GSTA2: variants seen among roughly 807,000 people sequenced by gnomAD.
GSTA2 encodes the protein glutathione S-transferase alpha 2.
In GSTA2, 27 loss-of-function variants were observed where a neutral mutation model predicts 22.4. The observed-to-expected ratio is 1.21, with a 90% CI of 0.89 to 1.67. The LOEUF (loss-of-function observed/expected upper bound fraction) is 1.67, where lower values mean the gene tolerates loss of function less well. Ranked by LOEUF, GSTA2 falls within the 40% of genes most tolerant of loss-of-function variation. The pLI, the probability that GSTA2 is intolerant of heterozygous loss-of-function variation, is 0.00. For synonymous variants in GSTA2, 121 were observed against 86.8 expected (o/e 1.39, Z -2.19); for missense variants, 302 against 260.2 (o/e 1.16, Z -1.11).
At chr6:52,762,900 T>G (rs2608632) in intron 1 of GSTA2, among the ~76,000 whole-genome samples, 119,195 of 151,548 alleles carry the variant, frequency 0.79, 47,949 homozygotes, top group East Asian at 1. Context: ...CTATTCTCTA[T>G]ATTGGCCATG....
In GSTA2 at chr6:52,752,845, T is replaced by C; in HGVS notation, c.414+9A>G. Reference sequence around the variant, plus strand: ...TCAGTTCCCCAAAACACTGAACAGCTTCACTTACTTTTTCAAAGGCAGGGA... The same window carrying C: ...TCAGTTCCCCAAAACACTGAACAGCCTCACTTACTTTTTCAAAGGCAGGGA... On this transcript the variant is annotated intron_variant, in intron 5 of 6. Transcript: ENST00000493422. 1 of 1,613,554 alleles carries C rather than the reference T, an allele frequency of 6.2e-7. No individual in the cohort carries two copies. Among genetic ancestry groups the C allele is most frequent in the Admixed American group, 1.7e-5 (1 of 60,008 alleles).
chr6:52,759,571 T>TTG (rs1359409627), intron 1 of GSTA2, among the ~76,000 whole-genome samples: 509 of 48,778 alleles, frequency 0.01, 89 homozygotes, highest in African/African-American at 0.047. Context: ...TTGTTTTTTT[T>TTG]TTTTTTTTTT....
rs1173016072 is a variant in GSTA2 at position 52,754,830 on chromosome 6, C to T, written c.272+113G>A. ...AATACTGGACCTCAGCGTGCATGCC[C>T]AAGGCCCAGCCTGCTGCTGGTCTTG... On this transcript the variant is annotated intron_variant, in intron 4 of 6. Coordinates refer to ENST00000493422, the MANE Select transcript of GSTA2 (RefSeq NM_000846.5). 1.0e-4 allele frequency: 150 copies of T among 1,435,476 alleles called. No homozygotes were observed. In the Admixed American group the frequency reaches 2.7e-3, roughly 26 times the overall value. 88.9% of individuals were successfully genotyped at this position (1,435,476 alleles called of 1,614,324 possible). A position where few individuals can be genotyped will look rare whatever the true frequency, so the allele number is the denominator to read the frequency against.
intron 1 of GSTA2, among the ~76,000 whole-genome samples, chr6:52,760,885 A>G (rs1018235765): frequency 2.0e-5 from 3 of 152,144 alleles, no homozygotes; most frequent in African/African-American, 4.8e-5. Context: ...TAATTACTTT[A>G]CATCAATAAT....
At chr6:52,760,342 T>C (rs1372731277) in intron 1 of GSTA2, among the ~76,000 whole-genome samples, 2 of 152,074 alleles carry the variant, frequency 1.3e-5, no homozygotes, top group Non-Finnish European at 2.9e-5. Context: ...CAATGTGAGG[T>C]TTCCAAGGGT....
chr6:52,756,607 C>T lies in GSTA2; in HGVS notation c.88-298G>A, dbSNP rs375026539. ...ACATCACTGGAGAAAAGGCACTGAG[C>T]AGTTCTTCTAGTTATGGTGTTGTCA... On this transcript the variant is annotated intron_variant, in intron 2 of 6. Transcript: ENST00000493422. Among the ~76,000 whole-genome samples, 10 of 152,336 alleles carry T rather than the reference C, an allele frequency of 6.6e-5. No homozygotes were observed. The East Asian group carries it at 1.7e-3, about 26-fold the overall frequency.
intron 4 of GSTA2, among the ~76,000 whole-genome samples, chr6:52,753,993 C>G (rs779690446): frequency 7.2e-5 from 11 of 152,154 alleles, no homozygotes; most frequent in Non-Finnish European, 1.2e-4. Context: ...CCTTCTGTGT[C>G]TCGTGTATTT....
intron 1 of GSTA2, among the ~76,000 whole-genome samples, chr6:52,760,304 C>A (rs1201677715): frequency 6.6e-6 from 1 of 152,186 alleles, no homozygotes; most frequent in Non-Finnish European, 1.5e-5. Flanking sequence ...TCACAACACT[C>A]CAGCTGATAA....
In GSTA2 at chr6:52,754,973, A is replaced by G; in HGVS notation, c.242T>C (p.Leu81Pro). ...ILNYIASKYN[L>P]YGKDIKEKAL... is the part of the protein sequence containing the mutation. ...TTTCTCCTTTATGTCTTTCCCATAG[A>G]GGTTGTATTTGCTGGCAATGTAGTT... The change falls in exon 4 of 7, where the codon CTC (leucine) becomes CCC (proline). Residue 81 changes from leucine to proline, a missense_variant. Transcript: ENST00000493422. 2 of 1,614,032 alleles carry G rather than the reference A, an allele frequency of 1.2e-6. No homozygotes were observed.
At chr6:52,751,309 G>T (rs1762731056) in intron 6 of GSTA2, among the ~76,000 whole-genome samples, 2 of 152,186 alleles carry the variant, frequency 1.3e-5, no homozygotes, top group South Asian at 4.1e-4. Context: ...GAAATAGAGG[G>T]ATGGGGAGAC....
rs563663868 is a variant in GSTA2 at position 52,750,948 on chromosome 6, T to C, written c.547-249A>G. ...TCATCCCTATCTTTCTTCTTACATA[T>C]TAATCCTATAGATTAGTGACTCTTG... On this transcript the variant is annotated intron_variant, in intron 6 of 6. Coordinates refer to ENST00000493422, the MANE Select transcript of GSTA2 (RefSeq NM_000846.5). 8.5e-5 allele frequency among the ~76,000 whole-genome samples: 13 copies of C among 152,368 alleles called. No individual in the cohort carries two copies. In the South Asian group the frequency reaches 2.7e-3, roughly 32 times the overall value.
intron 1 of GSTA2, among the ~76,000 whole-genome samples, chr6:52,760,135 A>G (rs1324994077): frequency 6.6e-6 from 1 of 152,222 alleles, no homozygotes; most frequent in Non-Finnish European, 1.5e-5. Context: ...AATGAAAGGG[A>G]GAGTGAAGTT....
chr6:52,752,409 T>C (rs1762760950), intron 5 of GSTA2, among the ~76,000 whole-genome samples: 1 of 152,194 alleles, frequency 6.6e-6, no homozygotes, highest in African/African-American at 2.4e-5. Context: ...AAAATACTGA[T>C]CCCTGAAACA....
Position 52,757,982 on chromosome 6 carries a change from G to A in GSTA2, c.-30-5C>T, listed in dbSNP as rs184931824. On this transcript the variant is annotated splice_region_variant and splice_polypyrimidine_tract_variant and intron_variant, in intron 1 of 6. Coordinates refer to ENST00000493422, the MANE Select transcript of GSTA2 (RefSeq NM_000846.5). Reference sequence around the variant, plus strand: ...CTCCTGGAGGTTTCTCTAAGCCTGAGTGAATGAATGAATGAATGAATGAAT... The same window carrying A: ...CTCCTGGAGGTTTCTCTAAGCCTGAATGAATGAATGAATGAATGAATGAAT... 1.3e-5 allele frequency: 17 copies of A among 1,357,780 alleles called. No individual in the cohort carries two copies. The highest frequency in any genetic ancestry group is 7.1e-5 in the East Asian group (3 of 42,090). 84.1% of individuals were successfully genotyped at this position (1,357,780 alleles called of 1,614,324 possible).
chr6:52,761,468 T>TAATGTCAAGTA (rs1561898272), intron 1 of GSTA2, among the ~76,000 whole-genome samples: 1 of 151,092 alleles, frequency 6.6e-6, no homozygotes. Context: ...CTATATTTTG[T>TAATGTCAAGTA]CCGTAGAACT....
intron 3 of GSTA2, 65 bp downstream of exon 3, chr6:52,756,193 C>T (rs559048086): frequency 1.1e-4 from 124 of 1,163,916 alleles, no homozygotes; most frequent in Middle Eastern, 5.9e-4. Flanking sequence ...TTGCCGGCTG[C>T]GCAAACCTCC....
chr6:52,757,462 C>T lies in GSTA2; in HGVS notation c.87+399G>A, dbSNP rs1164593075. On this transcript the variant is annotated intron_variant, in intron 2 of 6. Transcript: ENST00000493422. Reference sequence around the variant, plus strand: ...TCCTTAAATACTTCAATGTGTTTTCCTAAAACACATTAACTATTCTAAAGA... The same window carrying T: ...TCCTTAAATACTTCAATGTGTTTTCTTAAAACACATTAACTATTCTAAAGA... Among the ~76,000 whole-genome samples the T allele has an allele frequency of 5.3e-5, 8 of 150,190 alleles. No homozygotes were observed. In the East Asian group the frequency reaches 9.8e-4, roughly 18 times the overall value.
At chr6:52,756,378 C>T in intron 2 of GSTA2, 69 bp from the exon 3 acceptor site, 2 of 1,219,986 alleles carry the variant, frequency 1.6e-6, no homozygotes, top group Non-Finnish European at 2.4e-6. Context: ...ATTGAATGGC[C>T]TCTATCTGGT....
chr6:52,755,081 A>G lies in GSTA2; in HGVS notation c.140-6T>C, dbSNP rs766659553. 7 of 1,614,074 alleles carry G rather than the reference A, an allele frequency of 4.3e-6. No individual in the cohort carries two copies. In the Admixed American group the frequency reaches 5.0e-5, roughly 12 times the overall value. Reference sequence around the variant, plus strand: ...CTGGAACATCAAATATCCATCTTTAAGAGGAAGAAAAAAAAGGAGAGTGAA... The same window carrying G: ...CTGGAACATCAAATATCCATCTTTAGGAGGAAGAAAAAAAAGGAGAGTGAA... On this transcript the variant is annotated splice_region_variant and splice_polypyrimidine_tract_variant and intron_variant, in intron 3 of 6. Coordinates refer to ENST00000493422, the MANE Select transcript of GSTA2 (RefSeq NM_000846.5).
Sources: gnomAD v4.1 joint callset for allele counts (sites outside exome capture counted in the v4.1 genomes callset) on GRCh38, gnomAD v4.1.1 for gene constraint, MANE v1.5 for transcripts, NCBI Gene and HGNC (gene_info 2026-07-23, HGNC 2026-07-21) for gene names.